The following PPP1R14C variants were observed in gnomAD, a reference collection of about 807,000 sequenced individuals.
PPP1R14C encodes the protein protein phosphatase 1 regulatory inhibitor subunit 14C, also known as protein phosphatase 1 regulatory subunit 14C.
Under a neutral mutation model 20.4 loss-of-function variants are expected in PPP1R14C, and 16 were observed. That is an observed-to-expected ratio of 0.78 (90% CI 0.53 to 1.19). PPP1R14C has a LOEUF of 1.19. PPP1R14C is among the 50% of genes most tolerant of loss of function. PPP1R14C has a pLI of 0.00. For missense variants in PPP1R14C, 211 were observed against 220.1 expected (o/e 0.96, Z 0.26); for synonymous variants, 91 against 91.0 (o/e 1.00, Z 0.00).
intron 3 of PPP1R14C, among the ~76,000 whole-genome samples, chr6:150,222,516 T>C (rs1459223553): frequency 1.3e-5 from 2 of 152,122 alleles, no homozygotes; most frequent in African/African-American, 2.4e-5. Flanking sequence ...CATTATGGAT[T>C]TGACTGATTT....
At chr6:150,209,594 G>A (rs937185346) in intron 1 of PPP1R14C, among the ~76,000 whole-genome samples, 6 of 151,682 alleles carry the variant, frequency 4.0e-5, no homozygotes, top group African/African-American at 1.2e-4. Context: ...ATATATTTGT[G>A]TGTGTGTATG....
rs141592230 is a variant in PPP1R14C at position 150,245,599 on chromosome 6, G to C, written c.424-3147G>C. Among the ~76,000 whole-genome samples the C allele has an allele frequency of 5.3e-5, 8 of 152,336 alleles. No homozygotes were observed. In the East Asian group the frequency reaches 1.3e-3, roughly 26 times the overall value. ...CTCTCTGTTAATTCGTCTTAACTCAGAGGTGATTTCCTCAAAGGAGCAGCA... is the reference window on the plus strand; with the variant it reads ...CTCTCTGTTAATTCGTCTTAACTCACAGGTGATTTCCTCAAAGGAGCAGCA... On this transcript the variant is annotated intron_variant, in intron 3 of 3. Transcript: ENST00000361131.
At chr6:150,187,245 CTCTGTGTGTGTGTG>C (rs1391092226) in intron 1 of PPP1R14C, among the ~76,000 whole-genome samples, 5 of 110,856 alleles carry the variant, frequency 4.5e-5, no homozygotes, top group African/African-American at 1.6e-4. Context: ...CTTTCTCTTT[CTCTGTGTGTGTGTG>C]TGTGTGTGTG....
rs935511681 is a variant in PPP1R14C at position 150,147,327 on chromosome 6, G to A, written c.306+3829G>A. Among the ~76,000 whole-genome samples the A allele has an allele frequency of 2.6e-5, 4 of 151,866 alleles. No homozygotes were observed. The East Asian group carries it at 5.8e-4, about 22-fold the overall frequency. On this transcript the variant is annotated intron_variant, in intron 1 of 3. Transcript: ENST00000361131. Reference sequence around the variant, plus strand: ...CCTGAGTAGCTGGGGCTGCAGATGCGTGCCACCATGCCCGGCTAATTTTTG... The same window carrying A: ...CCTGAGTAGCTGGGGCTGCAGATGCATGCCACCATGCCCGGCTAATTTTTG...
At chr6:150,243,423 C>A (rs557467121) in intron 3 of PPP1R14C, among the ~76,000 whole-genome samples, 2 of 152,220 alleles carry the variant, frequency 1.3e-5, no homozygotes, top group African/African-American at 4.8e-5. Flanking sequence ...GGCGATTGAA[C>A]CACCTCGGCC....
chr6:150,195,771 T>G (rs910059883), intron 1 of PPP1R14C: 110 of 903,658 alleles, frequency 1.2e-4, no homozygotes, highest in Non-Finnish European at 1.4e-4. Flanking sequence ...CCACCATTCA[T>G]CTCCCGAACT....
In PPP1R14C at chr6:150,237,709, C is replaced by G. The variant is rs541098980; in HGVS notation, c.424-11037C>G. Among the ~76,000 whole-genome samples the G allele has an allele frequency of 2.6e-5, 4 of 152,204 alleles. No homozygotes were observed. The South Asian group carries it at 8.3e-4, about 32-fold the overall frequency. Reference sequence around the variant, plus strand: ...GAGGTGAGGTCTTATTGTCATTGCTCCTATTTATAGGTGAGGAAAACTGAG... The same window carrying G: ...GAGGTGAGGTCTTATTGTCATTGCTGCTATTTATAGGTGAGGAAAACTGAG... On this transcript the variant is annotated intron_variant, in intron 3 of 3. Transcript: ENST00000361131.
intron 1 of PPP1R14C, among the ~76,000 whole-genome samples, chr6:150,192,886 C>G (rs1777763112): frequency 6.6e-6 from 1 of 152,158 alleles, no homozygotes; most frequent in Admixed American, 6.5e-5. Context: ...GGCCTCTCAT[C>G]TTTTGGGACT....
chr6:150,201,161 C>G lies in PPP1R14C; in HGVS notation c.307-13583C>G, dbSNP rs1014677207. 3.6e-4 allele frequency among the ~76,000 whole-genome samples: 55 copies of G among 152,144 alleles called. No individual in the cohort carries two copies. Among genetic ancestry groups the G allele is most frequent in the African/African-American group, 1.2e-3 (49 of 41,426 alleles). ...ATAGAGATGATGATAATACTCACCT[C>G]AGGGAATTGTTTGTTATTTTATTTA... On this transcript the variant is annotated intron_variant, in intron 1 of 3. Coordinates refer to ENST00000361131, the MANE Select transcript of PPP1R14C (RefSeq NM_030949.3). The surrounding 1 kb of genome is among the most constrained non-coding windows in gnomAD (Gnocchi z 4.2).
chr6:150,249,179 A>G lies in PPP1R14C; in HGVS notation c.*359A>G, dbSNP rs1305063735. On this transcript the variant is annotated 3_prime_UTR_variant, in exon 4 of 4. Coordinates refer to ENST00000361131, the MANE Select transcript of PPP1R14C (RefSeq NM_030949.3). ...ATGATACAGGGAAGATAGTTTTCTT[A>G]CAAGTAGTTTGGTAATATTTTTTTT... The G allele has an allele frequency of 5.0e-6, 2 of 399,096 alleles. No individual in the cohort carries two copies. Among genetic ancestry groups the G allele is most frequent in the Non-Finnish European group, 8.8e-6 (2 of 226,784 alleles). The allele number at this position is 399,096 out of a possible 1,614,324, so 24.7% of individuals were successfully genotyped here.
At chr6:150,228,658 C>T (rs965620687) in intron 3 of PPP1R14C, among the ~76,000 whole-genome samples, 1 of 152,064 alleles carries the variant, frequency 6.6e-6, no homozygotes, top group South Asian at 2.1e-4. Context: ...TAAATCACAT[C>T]GTTAGACTAT....
chr6:150,147,160 G>T (rs532139142), intron 1 of PPP1R14C, among the ~76,000 whole-genome samples: 1 of 147,054 alleles, frequency 6.8e-6, no homozygotes, highest in Admixed American at 6.7e-5. Context: ...TCCAAACCCT[G>T]GTGGGTTTTT....
chr6:150,179,012 C>T (rs1180195159), intron 1 of PPP1R14C, among the ~76,000 whole-genome samples: 1 of 152,138 alleles, frequency 6.6e-6, no homozygotes, highest in African/African-American at 2.4e-5. Flanking sequence ...TTTTTCGAAG[C>T]CTGTTCTACT....
At chr6:150,194,974 A>G in intron 1 of PPP1R14C, 1 of 985,252 alleles carries the variant, frequency 1.0e-6, no homozygotes, top group Non-Finnish European at 1.2e-6. Context: ...CAAAAGTTAT[A>G]AAAAGAATAT....
At chr6:150,211,746 T>C (rs1437465503) in intron 1 of PPP1R14C, among the ~76,000 whole-genome samples, 1 of 152,230 alleles carries the variant, frequency 6.6e-6, no homozygotes, top group Non-Finnish European at 1.5e-5. Context: ...TGGGTCTCTA[T>C]GTTCTTCTCA....
At chr6:150,163,190 G>C (rs1777389314) in intron 1 of PPP1R14C, among the ~76,000 whole-genome samples, 2 of 152,166 alleles carry the variant, frequency 1.3e-5, no homozygotes, top group Admixed American at 1.3e-4. Flanking sequence ...AGGAGATCGA[G>C]ACCATCCTGG....
chr6:150,165,132 G>A (rs538390405), intron 1 of PPP1R14C, among the ~76,000 whole-genome samples: 5 of 152,362 alleles, frequency 3.3e-5, no homozygotes, highest in African/African-American at 1.2e-4. Flanking sequence ...GACTAAGACA[G>A]GAGACCTTGT....
intron 1 of PPP1R14C, among the ~76,000 whole-genome samples, chr6:150,206,891 G>A (rs1275898026): frequency 2.0e-5 from 3 of 150,676 alleles, no homozygotes; most frequent in Admixed American, 1.3e-4. Flanking sequence ...TTGCGACAGA[G>A]TCTCGCTCTG....
At chr6:150,234,921 A>AT (rs1422460974) in intron 3 of PPP1R14C, among the ~76,000 whole-genome samples, 1 of 151,596 alleles carries the variant, frequency 6.6e-6, no homozygotes, top group East Asian at 1.9e-4. Flanking sequence ...ATATTGGTGA[A>AT]TCTCAGAAAT....
Sources: gnomAD v4.1 joint callset for allele counts (sites outside exome capture counted in the v4.1 genomes callset) on GRCh38, gnomAD v4.1.1 for gene constraint, Gnocchi (gnomAD v3.1) non-coding constraint, MANE v1.5 for transcripts, NCBI Gene and HGNC (gene_info 2026-07-23, HGNC 2026-07-21) for gene names.